Variants in OLFM3 observed in about 807,000 individuals in gnomAD.
OLFM3 encodes olfactomedin 3, also known as noelin-3.
Under a neutral mutation model 48.6 loss-of-function variants are expected in OLFM3, and 20 were observed. That is an observed-to-expected ratio of 0.41 (90% CI 0.29 to 0.60). OLFM3 has a LOEUF of 0.60. Ranked by LOEUF, OLFM3 falls within the 20% of genes least tolerant of loss-of-function variation. OLFM3 has a pLI of 0.28. For missense variants in OLFM3, 437 were observed against 544.3 expected, an observed-to-expected ratio of 0.80 and a Z score of 1.96; for synonymous variants, 222 against 198.1, an observed-to-expected ratio of 1.12 and a Z score of -1.01.
At chr1:101,888,146 CTACTT>C (rs1557717560) in intron 1 of OLFM3, among the ~76,000 whole-genome samples, 1 of 152,124 alleles carries the variant, frequency 6.6e-6, no homozygotes, top group African/African-American at 2.4e-5. Flanking sequence ...TTGGAAAAAA[CTACTT>C]TAAAGTTCAT....
chr1:101,892,998 T>C (rs2101007529), intron 1 of OLFM3: 1 of 153,660 alleles, frequency 6.5e-6, no homozygotes, highest in Middle Eastern at 3.2e-3. Context: ...AACATTTACA[T>C]TCATTCATTT....
chr1:101,984,727 C>T (rs1193858657), intron 1 of OLFM3, among the ~76,000 whole-genome samples: 2 of 152,172 alleles, frequency 1.3e-5, no homozygotes, highest in Non-Finnish European at 2.9e-5. Context: ...TATTATCTAT[C>T]TTCTTTTATA....
At chr1:101,989,894 T>C (rs1004750575) in intron 1 of OLFM3, among the ~76,000 whole-genome samples, 17 of 152,208 alleles carry the variant, frequency 1.1e-4, no homozygotes, top group African/African-American at 3.9e-4. Flanking sequence ...ATCCCTTTTC[T>C]GACCTTCCCT....
intron 1 of OLFM3, among the ~76,000 whole-genome samples, chr1:101,922,634 T>C (rs1557731735): frequency 6.6e-6 from 1 of 152,174 alleles, no homozygotes; most frequent in Non-Finnish European, 1.5e-5. Context: ...TGAATACCCG[T>C]CAGAAATCTC....
At chr1:101,829,722 A>G (rs1195705993) in intron 3 of OLFM3, among the ~76,000 whole-genome samples, 1 of 152,228 alleles carries the variant, frequency 6.6e-6, no homozygotes, top group Admixed American at 6.5e-5. Flanking sequence ...AGAAAACCAG[A>G]GGCTATTAAG....
chr1:101,931,251 CA>C (rs1659436144), intron 1 of OLFM3, among the ~76,000 whole-genome samples: 2 of 152,006 alleles, frequency 1.3e-5, no homozygotes, highest in South Asian at 2.1e-4. Flanking sequence ...TGCATAAGGC[CA>C]AAAAATTGTT....
chr1:101,832,435 C>T (rs1557693902), intron 2 of OLFM3, among the ~76,000 whole-genome samples: 1 of 152,108 alleles, frequency 6.6e-6, no homozygotes, highest in Non-Finnish European at 1.5e-5. Context: ...AGTTCTTTGC[C>T]TTTTTTTCAC....
rs566087794 is a variant in OLFM3, at chr1:101,806,894, G to A, written c.593-712C>T. On this transcript the variant is annotated intron_variant, in intron 4 of 5. Transcript: ENST00000370103. ...CAAAAAGACTTTAATGAAAAAAGTT[G>A]TAATATTTTTATCAGCCCAGCCCAC... Among the ~76,000 whole-genome samples, 295 of 151,798 alleles carry A rather than the reference G, an allele frequency of 1.9e-3. 1 individual carries two copies. The highest frequency in any genetic ancestry group is 3.5e-3 in the Non-Finnish European group (234 of 67,798).
chr1:101,935,303 C>A, intron 1 of OLFM3, among the ~76,000 whole-genome samples: 1 of 137,956 alleles, frequency 7.2e-6, no homozygotes. Context: ...TACTACTGAA[C>A]CTAGAGAAAT....
chr1:101,836,922 G>T lies in OLFM3; in HGVS notation c.173C>A (p.Ser58Tyr), dbSNP rs773080795. ...AAGTTGCCTGCTTTTGGCATCCCGG[G>T]AACACAGGTTTTGTTCTGGAGCAAC... ...TVVAPEQNLC[S>Y]RDAKSRQLRQ... is the part of the protein sequence containing the mutation. The change falls in exon 2 of 6, where the codon TCC (serine) becomes TAC (tyrosine). Residue 58 changes from serine to tyrosine, a missense_variant. Ser to Tyr is a moderately radical substitution (Grantham distance 144, BLOSUM62 -2). Coordinates refer to ENST00000370103, the MANE Select transcript of OLFM3 (RefSeq NM_058170.4). 8.1e-6 allele frequency: 13 copies of T among 1,614,080 alleles called. No individual in the cohort carries two copies. Among genetic ancestry groups the T allele is most frequent in the Non-Finnish European group, 1.1e-5 (13 of 1,179,996 alleles).
At chr1:101,948,608 C>T (rs1420377027) in intron 1 of OLFM3, among the ~76,000 whole-genome samples, 4 of 151,996 alleles carry the variant, frequency 2.6e-5, no homozygotes, top group Non-Finnish European at 5.9e-5. Flanking sequence ...GTTCACATTT[C>T]ACTTTTGTTT....
rs1656654965 is a variant in OLFM3, at chr1:101,861,488, C to G, written c.70-24463G>C. On this transcript the variant is annotated intron_variant, in intron 1 of 5. Coordinates refer to ENST00000370103, the MANE Select transcript of OLFM3 (RefSeq NM_058170.4). The stretch of plus-strand genomic sequence containing the variant: ...TACTGTCTCAGTGAGGCCCAAGTGT[C>G]CAGGAAACACCATAGAAGGTTCAGG... Among the ~76,000 whole-genome samples the G allele has an allele frequency of 2.6e-5, 4 of 152,162 alleles. No homozygotes were observed. The South Asian group carries it at 8.3e-4, about 32-fold the overall frequency.
intron 1 of OLFM3, among the ~76,000 whole-genome samples, chr1:101,981,128 C>T (rs1235167051): frequency 5.3e-5 from 8 of 152,230 alleles, no homozygotes; most frequent in Admixed American, 3.9e-4. Flanking sequence ...AAAAGCTGTC[C>T]TCCTTGCTGC....
chr1:101,938,727 G>A (rs7535852), intron 1 of OLFM3, among the ~76,000 whole-genome samples: 62,602 of 151,970 alleles, frequency 0.41, 13,255 homozygotes, highest in East Asian at 0.51. Flanking sequence ...AGAGGGATCT[G>A]TTAGGCCCAC....
intron 1 of OLFM3, among the ~76,000 whole-genome samples, chr1:101,975,442 A>C (rs1660925930): frequency 6.6e-6 from 1 of 152,214 alleles, no homozygotes; most frequent in African/African-American, 2.4e-5. Flanking sequence ...TTTTTAAAAT[A>C]TATCCTTTTT....
intron 1 of OLFM3, among the ~76,000 whole-genome samples, chr1:101,883,287 A>T (rs1466083700): frequency 6.7e-6 from 1 of 149,730 alleles, no homozygotes; most frequent in Non-Finnish European, 1.5e-5. Context: ...ACAGTTATAT[A>T]TATACTATAT....
intron 1 of OLFM3, among the ~76,000 whole-genome samples, chr1:101,873,806 G>GA (rs1381416486): frequency 3.3e-5 from 5 of 151,718 alleles, no homozygotes; most frequent in Non-Finnish European, 7.4e-5. Flanking sequence ...ATGGTACTCT[G>GA]AGAACTGTTT....
chr1:101,846,787 C>CA, intron 1 of OLFM3: 2 of 1,312,406 alleles, frequency 1.5e-6, no homozygotes, highest in Non-Finnish European at 2.2e-6. Flanking sequence ...ATTTACAAAA[C>CA]AAAGCCCACT....
At chr1:101,825,295 C>A in intron 3 of OLFM3, 50 bp from the exon 4 acceptor site, 3 of 1,334,290 alleles carry the variant, frequency 2.2e-6, no homozygotes, top group Non-Finnish European at 3.2e-6. Context: ...ACAGATCATG[C>A]TGCTCTGTTC....
Sources: gnomAD v4.1 joint callset for allele counts (sites outside exome capture counted in the v4.1 genomes callset) on GRCh38, gnomAD v4.1.1 for gene constraint, MANE v1.5 for transcripts, NCBI Gene and HGNC (gene_info 2026-07-23, HGNC 2026-07-21) for gene names.